The following SLC8A1 variants were observed in gnomAD, a reference collection of about 807,000 sequenced individuals.
The protein encoded by SLC8A1 is sodium/calcium exchanger 1.
SLC8A1 carries 18 observed loss-of-function variants against 68.3 expected under a neutral mutation model. The ratio of observed to expected loss-of-function variants is 0.26; its 90% confidence interval spans 0.18 to 0.39. The LOEUF (loss-of-function observed/expected upper bound fraction) is 0.39. SLC8A1 is among the 10% of genes least tolerant of loss of function. The probability of loss-of-function intolerance (pLI) is 1.00; values close to 1 mark genes in which losing one functional copy is unlikely to be tolerated. For synonymous variants in SLC8A1, 475 were observed against 415.5 expected (o/e 1.14, Z -1.74); for missense variants, 985 against 1,156.7 (o/e 0.85, Z 2.15).
intron 2 of SLC8A1, among the ~76,000 whole-genome samples, chr2:40,425,839 A>G (rs1294214292): frequency 6.6e-6 from 1 of 152,118 alleles, no homozygotes; most frequent in East Asian, 1.9e-4. Flanking sequence ...CTAAGAGGGC[A>G]GCACAACTCC....
At chr2:40,393,254 C>T (rs1685886078) in intron 2 of SLC8A1, among the ~76,000 whole-genome samples, 1 of 152,046 alleles carries the variant, frequency 6.6e-6, no homozygotes, top group Admixed American at 6.6e-5. Flanking sequence ...TCAAACCTCA[C>T]AGCTCTGTAT....
chr2:40,255,944 G>C (rs610776), intron 2 of SLC8A1, among the ~76,000 whole-genome samples: 124,650 of 145,540 alleles, frequency 0.86, 52,224 homozygotes, highest in South Asian at 0.94. Flanking sequence ...GTATTTAGAA[G>C]TGAATAACTG....
At chr2:40,455,653 T>C (rs1702955406), upstream of SLC8A1, among the ~76,000 whole-genome samples, 1 of 152,230 alleles carries the variant, frequency 6.6e-6, no homozygotes, top group Admixed American at 6.5e-5. Context: ...CCAGTTTTGT[T>C]CTTTAGGTTT....
At position 40,152,223 on chromosome 2, in the gene SLC8A1, A is replaced by T. The variant is rs1441591178; in HGVS notation, c.2161+8542T>A. ...AGAAAGTATGTATTTCTTGAAAGGT[A>T]CTTGAATCTTTTGTATCACTCTCTT... On this transcript the variant is annotated intron_variant, in intron 6 of 7. Transcript: ENST00000406785. Among the ~76,000 whole-genome samples, 5 of 152,238 alleles carry T rather than the reference A, an allele frequency of 3.3e-5. No individual in the cohort carries two copies. The East Asian group carries it at 7.7e-4, about 23-fold the overall frequency.
intron 1 of SLC8A1, among the ~76,000 whole-genome samples, chr2:40,435,036 G>T (rs534956016): frequency 1.3e-5 from 2 of 152,242 alleles, no homozygotes; most frequent in African/African-American, 4.8e-5. Context: ...CAAGGAGGAC[G>T]TGACTCAGAG....
In SLC8A1 at chr2:40,277,758, A is replaced by G. The variant is rs4527252; in HGVS notation, c.1809-99903T>C. On this transcript the variant is annotated intron_variant, in intron 2 of 7. Transcript: ENST00000406785. Reference sequence around the variant, plus strand: ...AACTAGGAACAAAAGCAATATACGTACATATAAACATATGTATAAATATAT... The same window carrying G: ...AACTAGGAACAAAAGCAATATACGTGCATATAAACATATGTATAAATATAT... Among the ~76,000 whole-genome samples the G allele has an allele frequency of 8.9e-4, 128 of 144,422 alleles. 1 individual carries two copies. The highest frequency in any genetic ancestry group is 3.2e-3 in the African/African-American group (123 of 38,800). The allele number at this position is 144,422 out of a possible 152,430, so 94.7% of individuals were successfully genotyped here. A position where few individuals can be genotyped will look rare whatever the true frequency, so the allele number is the denominator to read the frequency against.
chr2:40,290,857 T>C (rs939199153), intron 2 of SLC8A1, among the ~76,000 whole-genome samples: 8 of 152,202 alleles, frequency 5.3e-5, no homozygotes, highest in African/African-American at 1.7e-4. Context: ...TCCCTTTTGA[T>C]ACATACCAGT....
At chr2:40,347,611 C>T (rs1277253198) in intron 2 of SLC8A1, among the ~76,000 whole-genome samples, 1 of 152,168 alleles carries the variant, frequency 6.6e-6, no homozygotes, top group Admixed American at 6.5e-5. Context: ...CCATGATTTA[C>T]CTTTAGTGGT....
At chr2:40,284,727 G>A (rs752154406) in intron 2 of SLC8A1, among the ~76,000 whole-genome samples, 1 of 151,332 alleles carries the variant, frequency 6.6e-6, no homozygotes, top group Non-Finnish European at 1.5e-5. Context: ...ATTCCTAAGT[G>A]TAGTCTGCCA....
exon 8 of SLC8A1, chr2:40,099,594 A>G (rs1332805829): frequency 6.6e-6 from 1 of 151,980 alleles, no homozygotes; most frequent in Admixed American, 6.6e-5. Context: ...GGGTCCTTCA[A>G]ACTGTGAATA....
At chr2:40,408,495 G>C (rs1333246937) in intron 2 of SLC8A1, among the ~76,000 whole-genome samples, 13 of 152,074 alleles carry the variant, frequency 8.5e-5, no homozygotes, top group Admixed American at 8.5e-4. Flanking sequence ...TTGGCACTTT[G>C]GACATTCCTT....
intron 1 of SLC8A1, among the ~76,000 whole-genome samples, chr2:40,503,183 GA>G (rs1229577990): frequency 3.3e-5 from 5 of 151,886 alleles, no homozygotes; most frequent in South Asian, 2.1e-4. Context: ...TTGTAATAAT[GA>G]ACTATTTCTA....
intron 2 of SLC8A1, among the ~76,000 whole-genome samples, chr2:40,306,204 A>C (rs932217513): frequency 1.7e-4 from 26 of 152,378 alleles, no homozygotes; most frequent in African/African-American, 5.5e-4. Context: ...TATGAAATGG[A>C]AAGGAGATGA....
intron 2 of SLC8A1, among the ~76,000 whole-genome samples, chr2:40,374,190 C>T (rs1015218349): frequency 6.6e-6 from 1 of 151,936 alleles, no homozygotes; most frequent in Non-Finnish European, 1.5e-5. Context: ...TCACTTTGTG[C>T]TCAGGTGAAC....
chr2:40,209,199 C>G (rs982149116), intron 2 of SLC8A1: 2 of 151,996 alleles, frequency 1.3e-5, no homozygotes, highest in Admixed American at 1.3e-4. Context: ...CAGTTGAAAT[C>G]TGAAATAGGA....
chr2:40,285,488 T>C (rs992028472), intron 2 of SLC8A1, among the ~76,000 whole-genome samples: 3 of 152,252 alleles, frequency 2.0e-5, no homozygotes, highest in East Asian at 3.9e-4. Context: ...ATAGCAACAA[T>C]TGGTCTAAAT....
chr2:40,425,155 T>C (rs1331953919), intron 2 of SLC8A1, among the ~76,000 whole-genome samples: 1 of 151,918 alleles, frequency 6.6e-6, no homozygotes, highest in Non-Finnish European at 1.5e-5. Context: ...AGCTGTTAAT[T>C]ATATCTATTT....
intron 3 of SLC8A1, chr2:40,176,133 A>T (rs1181764016): frequency 4.9e-6 from 1 of 206,032 alleles, no homozygotes; most frequent in African/African-American, 2.4e-5. Context: ...AAATATATCA[A>T]ATTATTTCCT....
chr2:40,403,037 G>A (rs939639577), intron 2 of SLC8A1, among the ~76,000 whole-genome samples: 5 of 152,030 alleles, frequency 3.3e-5, no homozygotes, highest in Non-Finnish European at 7.4e-5. Flanking sequence ...ACATACAAAT[G>A]ACACTCAAAT....
Sources: allele counts gnomAD v4.1 joint callset (sites outside exome capture counted in the v4.1 genomes callset), GRCh38; gene constraint gnomAD v4.1.1; transcripts MANE v1.5; gene names NCBI Gene and HGNC (gene_info 2026-07-23, HGNC 2026-07-21).